The following PGAP4 variants were observed in gnomAD, a reference collection of about 807,000 sequenced individuals.
The protein encoded by PGAP4 is post-GPI attachment to proteins GalNAc transferase 4.
A neutral mutation model predicts 28.2 loss-of-function variants in PGAP4; 12 were observed. That is an observed-to-expected ratio of 0.42 (90% CI 0.27 to 0.69). The LOEUF (loss-of-function observed/expected upper bound fraction) is 0.69, where lower values mean the gene tolerates loss of function less well. Among genes scored for constraint, PGAP4 ranks in the 30% least tolerant of loss-of-function variants. The probability of loss-of-function intolerance (pLI) is 0.22; values close to 1 mark genes in which losing one functional copy is unlikely to be tolerated. For synonymous variants in PGAP4, 205 were observed against 211.8 expected, an observed-to-expected ratio of 0.97 and a Z score of 0.28; for missense variants, 425 against 513.5, an observed-to-expected ratio of 0.83 and a Z score of 1.67.
chr9:101,518,807 C>A (rs1826961892), intron 2 of PGAP4, among the ~76,000 whole-genome samples: 1 of 152,144 alleles, frequency 6.6e-6, no homozygotes, highest in Admixed American at 6.6e-5. Flanking sequence ...CATATGACTT[C>A]TTTTCCTCTG....
intron 2 of PGAP4, among the ~76,000 whole-genome samples, chr9:101,505,342 G>A (rs1164902652): frequency 6.6e-6 from 1 of 151,978 alleles, no homozygotes; most frequent in African/African-American, 2.4e-5. Context: ...GACAGAATTG[G>A]ATGCATATTT....
intron 2 of PGAP4, among the ~76,000 whole-genome samples, chr9:101,495,752 A>G (rs1266179901): frequency 6.6e-6 from 1 of 150,958 alleles, no homozygotes; most frequent in Non-Finnish European, 1.5e-5. Context: ...AAGTAATCCA[A>G]AACCTAGTAA....
upstream of PGAP4, among the ~76,000 whole-genome samples, chr9:101,488,591 A>G (rs946903385): frequency 3.9e-5 from 6 of 152,222 alleles, no homozygotes; most frequent in African/African-American, 1.4e-4. Flanking sequence ...CTAGCTTTCT[A>G]TAAATGGTTG....
intron 2 of PGAP4, chr9:101,501,866 C>T (rs1292883573): frequency 2.2e-6 from 1 of 459,068 alleles, no homozygotes; most frequent in African/African-American, 2.0e-5. Flanking sequence ...GATCCTCTGA[C>T]TGATGATCTG....
At chr9:101,523,619 CTTTTTTTTTTTTTTTTTTT>C (rs71356369) in intron 2 of PGAP4, among the ~76,000 whole-genome samples, 15,595 of 60,584 alleles carry the variant, frequency 0.26, 1,471 homozygotes, top group Admixed American at 0.37. Context: ...CTTCTTGTAT[CTTTTTTTTTTTTTTTTTTT>C]TTTTTTTTTT....
chr9:101,512,431 T>C (rs1193515442), intron 2 of PGAP4, among the ~76,000 whole-genome samples: 5 of 152,176 alleles, frequency 3.3e-5, no homozygotes, highest in Admixed American at 1.3e-4. Flanking sequence ...TTTTTGTGTT[T>C]TTCTGTTTCC....
intron 2 of PGAP4, among the ~76,000 whole-genome samples, chr9:101,522,070 A>C (rs1207807312): frequency 6.6e-6 from 1 of 152,134 alleles, no homozygotes; most frequent in Non-Finnish European, 1.5e-5. Context: ...ACTGTGGTCC[A>C]AGAGAGTGCT....
At chr9:101,520,667 T>C (rs1169667688) in intron 2 of PGAP4, among the ~76,000 whole-genome samples, 2 of 152,176 alleles carry the variant, frequency 1.3e-5, no homozygotes, top group Non-Finnish European at 2.9e-5. Flanking sequence ...CAGCAAACAG[T>C]GACAGTTTGA....
At chr9:101,494,358 G>A (rs905892854) in intron 2 of PGAP4, among the ~76,000 whole-genome samples, 1 of 151,856 alleles carries the variant, frequency 6.6e-6, no homozygotes, top group East Asian at 1.9e-4. Context: ...AAAAGTAAAT[G>A]TTTTCATCTT....
In PGAP4 at chr9:101,486,542, C is replaced by A. The variant is rs1826619118; in HGVS notation, c.-78+407G>T. On this transcript the variant is annotated intron_variant, in intron 1 of 1. Coordinates refer to ENST00000374848, the MANE Select transcript of PGAP4 (RefSeq NM_032342.3). This position sits in a 1 kb window ranked among gnomAD's most constrained non-coding sequence, Gnocchi z 4.7. The stretch of plus-strand genomic sequence containing the variant: ...GCGCCAGGCCCCTTGGCGCTTCGGC[C>A]CTGCTAGGCTCGGCGAGGGTCTTAC... Among the ~76,000 whole-genome samples the A allele has an allele frequency of 6.6e-6, 1 of 152,194 alleles. No individual in the cohort carries two copies. The highest frequency in any genetic ancestry group is 2.4e-5 in the African/African-American group (1 of 41,450).
chr9:101,477,924 G>C (rs973340010), intron 1 of PGAP4, among the ~76,000 whole-genome samples: 1 of 152,050 alleles, frequency 6.6e-6, no homozygotes, highest in Non-Finnish European at 1.5e-5. Context: ...AGGGAGCGGG[G>C]GGGGAAAGGC....
chr9:101,488,127 C>A (rs1238962870), upstream of PGAP4, among the ~76,000 whole-genome samples: 1 of 152,106 alleles, frequency 6.6e-6, no homozygotes, highest in Non-Finnish European at 1.5e-5. Flanking sequence ...CCCCATTCAT[C>A]ATCTACTCTT....
intron 2 of PGAP4, among the ~76,000 whole-genome samples, chr9:101,524,561 C>A (rs555218845): frequency 6.6e-6 from 1 of 152,284 alleles, no homozygotes; most frequent in Non-Finnish European, 1.5e-5. Flanking sequence ...AGTTTTAGCC[C>A]CTGCTCCTCT....
At chr9:101,509,522 C>A (rs1280251640) in intron 2 of PGAP4, among the ~76,000 whole-genome samples, 1 of 152,092 alleles carries the variant, frequency 6.6e-6, no homozygotes, top group Admixed American at 6.6e-5. Context: ...AATTCAAAAA[C>A]TCTGGCCAGC....
chr9:101,511,851 T>C (rs1826901168), intron 2 of PGAP4, among the ~76,000 whole-genome samples: 1 of 152,162 alleles, frequency 6.6e-6, no homozygotes, highest in Non-Finnish European at 1.5e-5. Flanking sequence ...CTATAGTCTG[T>C]ATGTTTTCTG....
At chr9:101,490,356 AT>A (rs1453797743), upstream of PGAP4, among the ~76,000 whole-genome samples, 1 of 151,796 alleles carries the variant, frequency 6.6e-6, no homozygotes, top group African/African-American at 2.4e-5. Flanking sequence ...TGCCCAGCTA[AT>A]TTTTGTATTT....
At chr9:101,518,931 C>T (rs1340439963) in intron 2 of PGAP4, among the ~76,000 whole-genome samples, 2 of 152,182 alleles carry the variant, frequency 1.3e-5, no homozygotes, top group Non-Finnish European at 2.9e-5. Context: ...TTCCCACCAG[C>T]AGTGTAGAAG....
intron 2 of PGAP4, among the ~76,000 whole-genome samples, chr9:101,505,178 T>C (rs1247867994): frequency 3.3e-5 from 5 of 152,092 alleles, no homozygotes; most frequent in African/African-American, 9.6e-5. Flanking sequence ...ATATGAAAAT[T>C]ATGGCTCCAG....
chr9:101,484,853 TAC>T (rs140950483), intron 1 of PGAP4, among the ~76,000 whole-genome samples: 2,713 of 152,296 alleles, frequency 0.018, 63 homozygotes, highest in Non-Finnish European at 0.023. Context: ...CAGAAAAATG[TAC>T]AGAGATATGA....
Sources: allele counts gnomAD v4.1 joint callset (sites outside exome capture counted in the v4.1 genomes callset), GRCh38; gene constraint gnomAD v4.1.1; non-coding constraint Gnocchi (gnomAD v3.1); transcripts MANE v1.5; gene names NCBI Gene and HGNC (gene_info 2026-07-23, HGNC 2026-07-21).